FBXW4: variants seen among roughly 807,000 people sequenced by gnomAD.
FBXW4 encodes the protein F-box and WD repeat domain containing 4.
Under a neutral mutation model 61.8 loss-of-function variants are expected in FBXW4, and 40 were observed. The ratio of observed to expected loss-of-function variants is 0.65; its 90% CI spans 0.50 to 0.84. The LOEUF (loss-of-function observed/expected upper bound fraction) is 0.84, where lower values mean the gene tolerates loss of function less well. Among genes scored for constraint, FBXW4 ranks in the 40% least tolerant of loss-of-function variants. The pLI is 0.00. For synonymous variants in FBXW4, 311 were observed against 313.8 expected, an observed-to-expected ratio of 0.99 and a Z score of 0.10; for missense variants, 672 against 753.8, an observed-to-expected ratio of 0.89 and a Z score of 1.27.
intron 1 of FBXW4, among the ~76,000 whole-genome samples, chr10:101,686,402 T>G (rs2064533943): frequency 6.6e-6 from 1 of 152,060 alleles, no homozygotes; most frequent in Non-Finnish European, 1.5e-5. Flanking sequence ...ACAGAATTAG[T>G]TTTTCAAGAA....
chr10:101,616,687 C>T (rs186956201), intron 6 of FBXW4, among the ~76,000 whole-genome samples: 1 of 152,234 alleles, frequency 6.6e-6, no homozygotes, highest in African/African-American at 2.4e-5. Context: ...TTGGCGGCAG[C>T]TGGCAATCTG....
intron 5 of FBXW4, among the ~76,000 whole-genome samples, chr10:101,656,204 G>C (rs551508286): frequency 1.3e-5 from 2 of 152,174 alleles, no homozygotes; most frequent in Non-Finnish European, 2.9e-5. Context: ...TCAGCAGCTA[G>C]AAAGAAACCA....
chr10:101,666,473 C>T (rs2134883412), intron 5 of FBXW4, among the ~76,000 whole-genome samples: 1 of 152,162 alleles, frequency 6.6e-6, no homozygotes, highest in East Asian at 1.9e-4. Context: ...GGGGTGCAGG[C>T]TCCATGGGGT....
chr10:101,625,049 G>A, intron 5 of FBXW4: 1 of 581,678 alleles, frequency 1.7e-6, no homozygotes, highest in Admixed American at 2.8e-5. Flanking sequence ...AGCTGGGCCT[G>A]CTGCACAGAC....
Position 101,636,419 on chromosome 10 carries a change from A to G in FBXW4, c.1236-11609T>C, listed in dbSNP as rs1022912665. 5.3e-5 allele frequency among the ~76,000 whole-genome samples: 8 copies of G among 152,004 alleles called. No individual in the cohort carries two copies. The South Asian group carries it at 1.2e-3, about 24-fold the overall frequency. ...ACGGAAAAAAAAAAAACAAAAAAGAATTGCAAATTAGAGAAAAAACAAAGA... is the reference window on the plus strand; with the variant it reads ...ACGGAAAAAAAAAAAACAAAAAAGAGTTGCAAATTAGAGAAAAAACAAAGA... On this transcript the variant is annotated intron_variant, in intron 5 of 8. Coordinates refer to ENST00000331272, the MANE Select transcript of FBXW4 (RefSeq NM_022039.4).
intron 4 of FBXW4, among the ~76,000 whole-genome samples, chr10:101,671,937 C>T (rs144646260): frequency 3.9e-5 from 6 of 152,264 alleles, no homozygotes; most frequent in African/African-American, 1.4e-4. Flanking sequence ...AAGAAGGGAA[C>T]ATATTTAGCC....
At chr10:101,629,593 C>A (rs1297718015) in intron 5 of FBXW4, among the ~76,000 whole-genome samples, 1 of 151,942 alleles carries the variant, frequency 6.6e-6, no homozygotes, top group Non-Finnish European at 1.5e-5. Context: ...CCCACTTTCC[C>A]TATTTTACAC....
At chr10:101,678,511 C>T (rs964006043) in intron 1 of FBXW4, among the ~76,000 whole-genome samples, 18 of 152,310 alleles carry the variant, frequency 1.2e-4, no homozygotes, top group African/African-American at 2.9e-4. Flanking sequence ...CTGCAAGCTC[C>T]GCCTCTCGGG....
At chr10:101,618,713 C>A (rs188770433) in intron 6 of FBXW4, among the ~76,000 whole-genome samples, 4 of 152,266 alleles carry the variant, frequency 2.6e-5, no homozygotes, top group Admixed American at 6.5e-5. Flanking sequence ...CCTTTCCCCA[C>A]CCCACAATCC....
chr10:101,643,096 A>G (rs1305492745), intron 5 of FBXW4, among the ~76,000 whole-genome samples: 1 of 152,236 alleles, frequency 6.6e-6, no homozygotes, highest in African/African-American at 2.4e-5. Context: ...CATGAGCCAC[A>G]TCAGCCAAAC....
At chr10:101,613,536 G>A (rs2063804299) in intron 6 of FBXW4, among the ~76,000 whole-genome samples, 1 of 152,196 alleles carries the variant, frequency 6.6e-6, no homozygotes, top group African/African-American at 2.4e-5. Context: ...GGAGTGAGGG[G>A]ACTTCATGGC....
chr10:101,630,954 C>G (rs1327956316), intron 5 of FBXW4, among the ~76,000 whole-genome samples: 1 of 152,164 alleles, frequency 6.6e-6, no homozygotes, highest in African/African-American at 2.4e-5. Flanking sequence ...GTGGACAGGG[C>G]CATGCTTGTG....
chr10:101,623,605 A>C (rs2063884829), intron 6 of FBXW4, among the ~76,000 whole-genome samples: 1 of 152,208 alleles, frequency 6.6e-6, no homozygotes, highest in African/African-American at 2.4e-5. Context: ...AGAGAAATGA[A>C]AATGTATGCC....
chr10:101,688,789 G>A (rs1182478809), intron 1 of FBXW4, among the ~76,000 whole-genome samples: 1 of 152,026 alleles, frequency 6.6e-6, no homozygotes, highest in Non-Finnish European at 1.5e-5. Flanking sequence ...ATCAAAGAAG[G>A]GAGTCTGCCA....
chr10:101,694,311 G>A lies in FBXW4; in HGVS notation c.725+70C>T. On this transcript the variant is annotated intron_variant, in intron 1 of 8. Coordinates refer to ENST00000331272, the MANE Select transcript of FBXW4 (RefSeq NM_022039.4). This position sits in a 1 kb window ranked among gnomAD's most constrained non-coding sequence, Gnocchi z 6.0. ...CACGACCCTGGGCCGACCAGGCCGC[G>A]GCGCCCCGCCCTTTCCCGGGACGCG... 7.6e-7 allele frequency: 1 copy of A among 1,313,056 alleles called. No individual in the cohort carries two copies. Among genetic ancestry groups the A allele is most frequent in the East Asian group, 3.1e-5 (1 of 31,856 alleles). 81.3% of individuals were successfully genotyped at this position (1,313,056 alleles called of 1,614,324 possible). A position where few individuals can be genotyped will look rare whatever the true frequency, so the allele number is the denominator to read the frequency against.
chr10:101,640,484 CTTTTTTT>C (rs386372272), intron 5 of FBXW4, among the ~76,000 whole-genome samples: 7 of 83,886 alleles, frequency 8.3e-5, no homozygotes, highest in African/African-American at 3.1e-4. Flanking sequence ...CTTTCTTTCT[CTTTTTTT>C]TTTTTTTTTT....
At chr10:101,620,533 G>A (rs997963321) in intron 6 of FBXW4, among the ~76,000 whole-genome samples, 1 of 152,232 alleles carries the variant, frequency 6.6e-6, no homozygotes, top group Non-Finnish European at 1.5e-5. Context: ...TGGTGCCCAG[G>A]GCAACCCTGC....
At position 101,694,099 on chromosome 10, in the gene FBXW4, C is replaced by A. The variant is rs2064642123; in HGVS notation, c.725+282G>T. On this transcript the variant is annotated intron_variant, in intron 1 of 8. Coordinates refer to ENST00000331272, the MANE Select transcript of FBXW4 (RefSeq NM_022039.4). The surrounding 1 kb of genome is among the most constrained non-coding windows in gnomAD (Gnocchi z 6.0). ...CTCTGCAAAAACACACAATCGAAAG[C>A]TGTAGGGAGTGCCTAAGATGGCTAA... Among the ~76,000 whole-genome samples the A allele has an allele frequency of 6.6e-6, 1 of 152,140 alleles. No individual in the cohort carries two copies. Among genetic ancestry groups the A allele is most frequent in the Non-Finnish European group, 1.5e-5 (1 of 68,020 alleles).
At chr10:101,664,200 T>C (rs2064273717) in intron 5 of FBXW4, among the ~76,000 whole-genome samples, 1 of 152,214 alleles carries the variant, frequency 6.6e-6, no homozygotes, top group South Asian at 2.1e-4. Context: ...TGGATTGAGG[T>C]TTCATGTTTC....
Sources: gnomAD v4.1 joint callset for allele counts (sites outside exome capture counted in the v4.1 genomes callset) on GRCh38, gnomAD v4.1.1 for gene constraint, Gnocchi (gnomAD v3.1) non-coding constraint, MANE v1.5 for transcripts, NCBI Gene and HGNC (gene_info 2026-07-23, HGNC 2026-07-21) for gene names.